Variants in WNT5A observed in about 807,000 individuals in gnomAD.
WNT5A encodes the protein protein Wnt-5a.
Under a neutral mutation model 42.1 loss-of-function variants are expected in WNT5A, and 9 were observed. The observed-to-expected ratio is 0.21, with a 90% CI of 0.13 to 0.37. The LOEUF (loss-of-function observed/expected upper bound fraction) is 0.37, where lower values mean the gene tolerates loss of function less well. WNT5A is among the 10% of genes least tolerant of loss of function. The pLI, the probability that WNT5A is intolerant of heterozygous loss-of-function variation, is 1.00. For synonymous variants in WNT5A, 210 were observed against 210.0 expected (o/e 1.00, Z 0.00); for missense variants, 426 against 534.0 (o/e 0.80, Z 1.99).
At chr3:55,475,776 C>G (rs141827639) in intron 3 of WNT5A, among the ~76,000 whole-genome samples, 1 of 152,084 alleles carries the variant, frequency 6.6e-6, no homozygotes, top group Non-Finnish European at 1.5e-5. Flanking sequence ...TTACAGGGAC[C>G]CTATTTGTAA....
chr3:55,483,649 G>A lies in WNT5A; in HGVS notation c.7-2731C>T, dbSNP rs1018746254. On this transcript the variant is annotated intron_variant, in intron 1 of 4. Coordinates refer to ENST00000264634, the MANE Select transcript of WNT5A (RefSeq NM_003392.7). This position sits in a 1 kb window ranked among gnomAD's most constrained non-coding sequence, Gnocchi z 4.2. The stretch of plus-strand genomic sequence containing the variant: ...TCTTCCTCGCGTGCCACGGGGAGGA[G>A]GACTGGGGGCGTTTGAGGGGCTCAG... 2.6e-5 allele frequency among the ~76,000 whole-genome samples: 4 copies of A among 152,188 alleles called. No homozygotes were observed. Among genetic ancestry groups the A allele is most frequent in the African/African-American group, 7.2e-5 (3 of 41,444 alleles).
At chr3:55,487,375 TGTG>T (rs886058749), upstream of WNT5A, 10 of 268,772 alleles carry the variant, frequency 3.7e-5, no homozygotes, top group Non-Finnish European at 6.2e-5. Context: ...CAACCCCAAA[TGTG>T]GGCGTGATTG....
chr3:55,491,822 T>A (rs1369569258), upstream of WNT5A, among the ~76,000 whole-genome samples: 1 of 152,250 alleles, frequency 6.6e-6, no homozygotes, highest in Non-Finnish European at 1.5e-5. Context: ...AGATGTTTAC[T>A]CCTTCACCTC....
upstream of WNT5A, among the ~76,000 whole-genome samples, chr3:55,492,299 G>A (rs2051669222): frequency 6.6e-6 from 1 of 152,068 alleles, no homozygotes; most frequent in South Asian, 2.1e-4. Flanking sequence ...AGATGGATGT[G>A]AGTCTGAATC....
At chr3:55,495,025 T>A (rs953365515), upstream of WNT5A, among the ~76,000 whole-genome samples, 2 of 152,244 alleles carry the variant, frequency 1.3e-5, no homozygotes, top group East Asian at 1.9e-4. Flanking sequence ...CATAATTTTT[T>A]AAAATTTTTC....
chr3:55,500,254 T>C, the WNT5A span, among the ~76,000 whole-genome samples: 5 of 152,168 alleles, frequency 3.3e-5, no homozygotes, highest in Non-Finnish European at 7.4e-5. Context: ...TAAATCAGTA[T>C]TGACAGAAAA....
At chr3:55,487,800 A>C (rs1361134878), upstream of WNT5A, 1 of 152,254 alleles carries the variant, frequency 6.6e-6, no homozygotes, top group African/African-American at 2.4e-5. Flanking sequence ...TCAGCCCCAA[A>C]TTGTGTCCTT....
Position 55,479,409 on chromosome 3 carries a change from G to A in WNT5A, c.296C>T (p.Thr99Ile), listed in dbSNP as rs538890462. The A allele has an allele frequency of 8.1e-6, 13 of 1,613,992 alleles. No individual in the cohort carries two copies. The highest frequency in any genetic ancestry group is 1.7e-4 in the Middle Eastern group (1 of 6,060). The change falls in exon 3 of 5, where the codon ACA becomes ATA. Residue 99 changes from threonine to isoleucine, a missense_variant. Around this residue, in one of 3 missense-constraint regions of WNT5A, gnomAD observed 358 missense variants for 468.1 expected, o/e 0.76. Transcript: ENST00000264634. ...HMQYIGEGAK[T>I]GIKECQYQFR... Reference sequence around the variant, plus strand: ...TTGATACTGGCATTCTTTGATGCCTGTCTTCGCGCCTTCTCCGATGTACTG... The same window carrying A: ...TTGATACTGGCATTCTTTGATGCCTATCTTCGCGCCTTCTCCGATGTACTG...
In WNT5A at chr3:55,469,892, A is replaced by AC; in HGVS notation, c.*199dup. ...AAAATAAATATTTTTCTTGGTTCCCACCCCCATTATTGCCAAATAATAATT... is the reference window on the plus strand; with the variant it reads ...AAAATAAATATTTTTCTTGGTTCCCACCCCCCATTATTGCCAAATAATAATT... On this transcript the variant is annotated 3_prime_UTR_variant, in exon 5 of 5. Transcript: ENST00000264634. The AC allele has an allele frequency of 1.8e-6, 1 of 541,878 alleles. No individual in the cohort carries two copies. Among genetic ancestry groups the AC allele is most frequent in the South Asian group, 2.8e-5 (1 of 36,242 alleles). 33.6% of individuals were successfully genotyped at this position (541,878 alleles called of 1,614,324 possible).
At chr3:55,470,670 T>G (rs927834789) in intron 4 of WNT5A, 120 bp from the exon 5 acceptor site, 1 of 918,100 alleles carries the variant, frequency 1.1e-6, no homozygotes. Context: ...AATTAAGGAC[T>G]GTATTATATT....
upstream of WNT5A, among the ~76,000 whole-genome samples, chr3:55,491,956 C>T (rs137910069): frequency 0.019 from 2,957 of 152,320 alleles, 41 homozygotes; most frequent in Non-Finnish European, 0.028. Context: ...GTAATACCAT[C>T]TCTTTGTGCT....
Position 55,479,574 on chromosome 3 carries a change from G to A in WNT5A, c.141-10C>T. ...ATTCATACCTAGCGACCTGCAAGGG[G>A]GGGAGATGTGCATTCAAGATTTACG... On this transcript the variant is annotated splice_polypyrimidine_tract_variant and intron_variant, in intron 2 of 4. Coordinates refer to ENST00000264634, the MANE Select transcript of WNT5A (RefSeq NM_003392.7). 2 of 1,568,440 alleles carry A rather than the reference G, an allele frequency of 1.3e-6. No individual in the cohort carries two copies. Among genetic ancestry groups the A allele is most frequent in the Non-Finnish European group, 1.7e-6 (2 of 1,152,026 alleles).
chr3:55,487,087 G>C lies in WNT5A; in HGVS notation c.-102C>G, dbSNP rs2107009213. On this transcript the variant is annotated 5_prime_UTR_variant, in exon 1 of 5. Transcript: ENST00000264634. ...GTTAAGCCTGGGGGGACGGTCAGGA[G>C]CAGGGCTGCGGAGTCCTCCGGCGCG... 3 of 1,052,668 alleles carry C rather than the reference G, an allele frequency of 2.8e-6. No individual in the cohort carries two copies. The highest frequency in any genetic ancestry group is 2.8e-4 in the Middle Eastern group (1 of 3,598). The allele number at this position is 1,052,668 out of a possible 1,614,324, so 65.2% of individuals were successfully genotyped here.
intron 3 of WNT5A, among the ~76,000 whole-genome samples, chr3:55,475,289 T>C (rs970159227): frequency 1.3e-5 from 2 of 152,236 alleles, no homozygotes; most frequent in African/African-American, 4.8e-5. Flanking sequence ...TTGAGTTACA[T>C]ATAAGGCAGG....
chr3:55,480,739 A>G, intron 2 of WNT5A, 46 bp downstream of exon 2: 4 of 1,484,640 alleles, frequency 2.7e-6, no homozygotes, highest in Non-Finnish European at 3.6e-6. Flanking sequence ...ACAAATCTTA[A>G]AAAAAGAAAA....
At chr3:55,479,650 A>T in intron 2 of WNT5A, 86 bp from the exon 3 acceptor site, 1 of 1,461,862 alleles carries the variant, frequency 6.8e-7, no homozygotes, top group Non-Finnish European at 9.1e-7. Flanking sequence ...ACATAGTTTT[A>T]AGCACACAGA....
Position 55,466,056 on chromosome 3 carries a change from TAA to T in WNT5A, c.*4034_*4035del, listed in dbSNP as rs896808606. On this transcript the variant is annotated 3_prime_UTR_variant, in exon 5 of 5. Transcript: ENST00000264634. ...GAACAGGGAAATTAGATCATTTCTC[TAA>T]GTTTTAATTCCTATGTTTCTGAATG... 2.6e-5 allele frequency: 4 copies of T among 152,232 alleles called. No individual in the cohort carries two copies. Among genetic ancestry groups the T allele is most frequent in the African/African-American group, 9.6e-5 (4 of 41,468 alleles). The allele number at this position is 152,232 out of a possible 1,614,324, so 9.4% of individuals were successfully genotyped here.
intron 1 of WNT5A, among the ~76,000 whole-genome samples, chr3:55,485,533 A>G (rs920698472): frequency 6.6e-6 from 1 of 151,762 alleles, no homozygotes; most frequent in African/African-American, 2.4e-5. Flanking sequence ...GGATCCACAC[A>G]CTCGGACACA....
upstream of WNT5A, among the ~76,000 whole-genome samples, chr3:55,489,585 G>C (rs1421355913): frequency 6.6e-6 from 1 of 152,042 alleles, no homozygotes; most frequent in Admixed American, 6.5e-5. Context: ...ATGGCAGTGT[G>C]AACTTCCCAC....
Sources: gnomAD v4.1 joint callset for allele counts (sites outside exome capture counted in the v4.1 genomes callset) on GRCh38, gnomAD v4.1.1 for gene constraint, gnomAD v4.1.1 regional missense constraint, Gnocchi (gnomAD v3.1) non-coding constraint, MANE v1.5 for transcripts, NCBI Gene and HGNC (gene_info 2026-07-23, HGNC 2026-07-21) for gene names.